Variants in ATXN1 observed in about 807,000 individuals in gnomAD.
ATXN1 encodes ataxin-1.
In ATXN1, 8 loss-of-function variants were observed where a neutral mutation model predicts 56.4. The observed-to-expected ratio is 0.14, with a 90% CI of 0.08 to 0.26. The LOEUF (loss-of-function observed/expected upper bound fraction) is 0.26. Among genes scored for constraint, ATXN1 ranks in the 10% least tolerant of loss-of-function variants. The pLI is 1.00. For synonymous variants in ATXN1, 514 were observed against 494.6 expected (o/e 1.04, Z -0.52); for missense variants, 987 against 1,106.5 (o/e 0.89, Z 1.53).
intron 2 of ATXN1, among the ~76,000 whole-genome samples, chr6:16,720,520 A>G (rs1759725345): frequency 6.6e-6 from 1 of 152,220 alleles, no homozygotes; most frequent in South Asian, 2.1e-4. Flanking sequence ...CTTTCACTCA[A>G]TTATAAAAGC....
intron 7 of ATXN1, among the ~76,000 whole-genome samples, chr6:16,310,003 A>G (rs987490587): frequency 9.9e-5 from 15 of 151,826 alleles, no homozygotes; most frequent in Non-Finnish European, 1.5e-5. Context: ...CAGTGAGCCA[A>G]GATCGTTGCA....
At chr6:16,503,490 A>G (rs1009766172) in intron 5 of ATXN1, among the ~76,000 whole-genome samples, 16 of 152,132 alleles carry the variant, frequency 1.1e-4, no homozygotes, top group African/African-American at 3.6e-4. Flanking sequence ...CTTCTCTTTG[A>G]CAGATGCCAA....
intron 6 of ATXN1, among the ~76,000 whole-genome samples, chr6:16,382,762 C>T (rs6935573): frequency 0.13 from 19,985 of 151,796 alleles, 1,452 homozygotes; most frequent in African/African-American, 0.19. Context: ...CTGGGCCACA[C>T]TGGAAGGAGA....
intron 5 of ATXN1, among the ~76,000 whole-genome samples, chr6:16,517,549 C>T (rs1020002841): frequency 6.6e-6 from 1 of 152,150 alleles, no homozygotes; most frequent in Non-Finnish European, 1.5e-5. Flanking sequence ...GCACCTACTA[C>T]ATGGCAGATA....
At chr6:16,465,117 T>G (rs1760077169) in intron 6 of ATXN1, among the ~76,000 whole-genome samples, 1 of 152,186 alleles carries the variant, frequency 6.6e-6, no homozygotes, top group Non-Finnish European at 1.5e-5. Context: ...TTTGAAGTGT[T>G]CCTCCCAGGT....
At chr6:16,365,716 C>T (rs1051321478) in intron 6 of ATXN1, among the ~76,000 whole-genome samples, 3 of 152,218 alleles carry the variant, frequency 2.0e-5, no homozygotes, top group South Asian at 2.1e-4. Flanking sequence ...AAACTGTTTA[C>T]AAGCAGTGTT....
intron 6 of ATXN1, among the ~76,000 whole-genome samples, chr6:16,364,943 A>C (rs1761887910): frequency 6.6e-6 from 1 of 152,224 alleles, no homozygotes. Flanking sequence ...GCTAAAAGGC[A>C]GTTGCTCCTG....
intron 3 of ATXN1, among the ~76,000 whole-genome samples, chr6:16,656,088 CAA>C (rs35745288): frequency 5.2e-4 from 65 of 125,680 alleles, no homozygotes; most frequent in African/African-American, 1.3e-3. Context: ...GACTCCATCT[CAA>C]AAAAAAAAAA....
intron 6 of ATXN1, among the ~76,000 whole-genome samples, chr6:16,356,351 C>G (rs1220738357): frequency 1.3e-5 from 2 of 152,208 alleles, no homozygotes; most frequent in African/African-American, 2.4e-5. Flanking sequence ...AAAGGTTCCA[C>G]TGCTGTCTCA....
intron 4 of ATXN1, among the ~76,000 whole-genome samples, chr6:16,566,584 T>G (rs1241036199): frequency 3.9e-5 from 6 of 152,156 alleles, no homozygotes; most frequent in South Asian, 2.1e-4. Context: ...CTGGGCGCGG[T>G]GGCTCACGAC....
Position 16,302,606 on chromosome 6 carries a change from C to T in ATXN1, c.*3723G>A, listed in dbSNP as rs1424610728. 4 of 152,548 alleles carry T rather than the reference C, an allele frequency of 2.6e-5. No individual in the cohort carries two copies. Among genetic ancestry groups the T allele is most frequent in the African/African-American group, 4.8e-5 (2 of 41,404 alleles). 9.4% of individuals were successfully genotyped at this position (152,548 alleles called of 1,614,324 possible). A position where few individuals can be genotyped will look rare whatever the true frequency, so the allele number is the denominator to read the frequency against. ...TAAGTTAAACATTCTAAGGAACAGTCATTTTATATATTTAGAAATCCCTAG... is the reference window on the plus strand; with the variant it reads ...TAAGTTAAACATTCTAAGGAACAGTTATTTTATATATTTAGAAATCCCTAG... On this transcript the variant is annotated 3_prime_UTR_variant, in exon 8 of 8. Transcript: ENST00000436367.
chr6:16,438,470 G>C (rs568383170), intron 6 of ATXN1, among the ~76,000 whole-genome samples: 1 of 152,308 alleles, frequency 6.6e-6, no homozygotes, highest in Admixed American at 6.5e-5. Context: ...TTTGAGTCAG[G>C]TTTCATTGCT....
chr6:16,600,971 C>T (rs1482119075), intron 3 of ATXN1, among the ~76,000 whole-genome samples: 1 of 152,172 alleles, frequency 6.6e-6, no homozygotes, highest in African/African-American at 2.4e-5. Flanking sequence ...CCTGTGTACT[C>T]TCAATACAAT....
Position 16,326,267 on chromosome 6 carries a change from G to A in ATXN1, c.1917+127C>T, listed in dbSNP as rs913510581. On this transcript the variant is annotated intron_variant, in intron 7 of 7. Transcript: ENST00000436367. This position sits in a 1 kb window ranked among gnomAD's most constrained non-coding sequence, Gnocchi z 6.6. ...CTAGAGAACGCAGTTGGGAAAGGCC[G>A]AGTCTAAGGTCTAGGTGTACCCGAG... 1.6e-5 allele frequency: 24 copies of A among 1,457,010 alleles called. No individual in the cohort carries two copies. Among genetic ancestry groups the A allele is most frequent in the East Asian group, 7.2e-5 (3 of 41,408 alleles). 90.3% of individuals were successfully genotyped at this position (1,457,010 alleles called of 1,614,324 possible).
intron 2 of ATXN1, among the ~76,000 whole-genome samples, chr6:16,720,300 CTCTATTT>C (rs1759720310): frequency 6.6e-6 from 1 of 152,202 alleles, no homozygotes; most frequent in Non-Finnish European, 1.5e-5. Context: ...ACATATCCTA[CTCTATTT>C]TGGGGGGTCT....
intron 5 of ATXN1, among the ~76,000 whole-genome samples, chr6:16,501,101 G>A (rs188665607): frequency 2.0e-5 from 3 of 152,298 alleles, no homozygotes; most frequent in East Asian, 1.9e-4. Flanking sequence ...GTTTGTGCAT[G>A]TGCGTGAGTG....
chr6:16,744,791 T>C (rs1310218561), intron 2 of ATXN1, among the ~76,000 whole-genome samples: 1 of 152,158 alleles, frequency 6.6e-6, no homozygotes, highest in African/African-American at 2.4e-5. Context: ...GGTAATCTCA[T>C]TTATTCCTGC....
chr6:16,708,816 A>G (rs1759462936), intron 2 of ATXN1, among the ~76,000 whole-genome samples: 1 of 152,200 alleles, frequency 6.6e-6, no homozygotes, highest in South Asian at 2.1e-4. Flanking sequence ...ACCTGAGGTC[A>G]GGAGTTCAAG....
intron 6 of ATXN1, among the ~76,000 whole-genome samples, chr6:16,450,520 A>T (rs1196215953): frequency 6.6e-6 from 1 of 152,194 alleles, no homozygotes; most frequent in Non-Finnish European, 1.5e-5. Flanking sequence ...GGGGCTTATT[A>T]CTCAGAGAGA....
Sources: gnomAD v4.1 joint callset for allele counts (sites outside exome capture counted in the v4.1 genomes callset) on GRCh38, gnomAD v4.1.1 for gene constraint, Gnocchi (gnomAD v3.1) non-coding constraint, MANE v1.5 for transcripts, NCBI Gene and HGNC (gene_info 2026-07-23, HGNC 2026-07-21) for gene names.